ADGB: variants seen among roughly 807,000 people sequenced by gnomAD.
The protein encoded by ADGB is calpain-7-like protein.
A neutral mutation model predicts 210.5 loss-of-function variants in ADGB; 172 were observed. The ratio of observed to expected loss-of-function variants is 0.82; its 90% CI spans 0.72 to 0.93. The LOEUF (loss-of-function observed/expected upper bound fraction) is 0.93, where lower values mean the gene tolerates loss of function less well. ADGB is among the 40% of genes least tolerant of loss of function. ADGB has a pLI of 0.00. For missense variants in ADGB, 2,025 were observed against 1,964.8 expected, an observed-to-expected ratio of 1.03 and a Z score of -0.58; for synonymous variants, 658 against 662.7, an observed-to-expected ratio of 0.99 and a Z score of 0.11.
At chr6:146,647,983 G>C (rs555265714) in intron 3 of ADGB, among the ~76,000 whole-genome samples, 3 of 151,666 alleles carry the variant, frequency 2.0e-5, no homozygotes, top group Non-Finnish European at 2.9e-5. Flanking sequence ...ACATACAAAG[G>C]TTTTAAAAAT....
chr6:146,691,433 TATATATATAAAA>T (rs1776311236), intron 11 of ADGB, 143 bp downstream of exon 11: 1 of 28,502 alleles, frequency 3.5e-5, no homozygotes, highest in African/African-American at 2.5e-4. Context: ...TATATATATA[TATATATATAAAA>T]ATATATATAT....
chr6:146,733,770 A>G (rs1777038564), intron 21 of ADGB, 123 bp from the exon 22 acceptor site: 15 of 1,061,164 alleles, frequency 1.4e-5, no homozygotes, highest in Non-Finnish European at 2.1e-5. Flanking sequence ...AATATTAAAT[A>G]TGATGCTAAC....
rs1778367263 is a variant in ADGB, at chr6:146,815,143, G to A, written c.4930G>A (p.Ala1644Thr). 1.3e-6 allele frequency: 2 copies of A among 1,545,824 alleles called. No individual in the cohort carries two copies. Among genetic ancestry groups the A allele is most frequent in the African/African-American group, 1.4e-5 (1 of 72,168 alleles). ...KLETLAAQEA[A>T]MKLETEKMTP... ...GGAAACTCTGGCTGCTCAGGAAGCA[G>A]CCATGAAGCTGGAGACAGAAAAGAT... Residue 1644 changes from alanine (A) to threonine (T), a missense_variant, in exon 36 of 36, where the codon GCC (alanine) becomes ACC (threonine). Physicochemically the swap from Ala to Thr is moderately conservative, Grantham distance 58 (BLOSUM62 0). Coordinates refer to ENST00000397944, the MANE Select transcript of ADGB (RefSeq NM_024694.4).
In ADGB at chr6:146,656,889, G is replaced by A. The variant is rs1327590437; in HGVS notation, c.521G>A (p.Trp174Ter). 6.4e-7 allele frequency: 1 copy of A among 1,551,514 alleles called. No homozygotes were observed. Among genetic ancestry groups the A allele is most frequent in the African/African-American group, 1.4e-5 (1 of 73,130 alleles). Reference protein sequence around the residue: ...GEPPLLPWKPWEHIYSLCKAV... With the variant: ...GEPPLLPWKP ...CCTCCTCTTCTCCCCTGGAAGCCCT[G>A]GGAACACATATACTCTCTGTGCAAG... Residue 174 changes from tryptophan (W) to a stop codon, truncating the protein, a stop_gained, in exon 5 of 36, where the codon TGG (tryptophan) becomes TAG (stop). Coordinates refer to ENST00000397944, the MANE Select transcript of ADGB (RefSeq NM_024694.4). LOFTEE classifies it high-confidence loss of function.
intron 1 of ADGB, among the ~76,000 whole-genome samples, chr6:146,624,578 TG>T (rs1322924052): frequency 1.4e-4 from 21 of 152,006 alleles, no homozygotes; most frequent in Admixed American, 1.4e-3. Flanking sequence ...AGAGAAAAAA[TG>T]TTTCTATGTT....
chr6:146,697,687 G>T lies in ADGB; in HGVS notation c.1578-3254G>T, dbSNP rs184424414. ...TTGAACATGACCAACGTACTTGCCAGTGGTTCTCAGAAGTAGGAGATAAAG... is the reference window on the plus strand; with the variant it reads ...TTGAACATGACCAACGTACTTGCCATTGGTTCTCAGAAGTAGGAGATAAAG... On this transcript the variant is annotated intron_variant, in intron 12 of 35. Coordinates refer to ENST00000397944, the MANE Select transcript of ADGB (RefSeq NM_024694.4). 2.8e-3 allele frequency among the ~76,000 whole-genome samples: 430 copies of T among 152,234 alleles called. 9 individuals are homozygous for T. Among genetic ancestry groups the T allele is most frequent in the Admixed American group, 0.028 (427 of 15,284 alleles).
intron 23 of ADGB, among the ~76,000 whole-genome samples, chr6:146,740,131 T>C (rs1357485157): frequency 6.6e-6 from 1 of 152,264 alleles, no homozygotes; most frequent in Non-Finnish European, 1.5e-5. Context: ...TGCTTGCTTC[T>C]AGTTTTTCTA....
intron 9 of ADGB, among the ~76,000 whole-genome samples, chr6:146,682,899 G>A (rs1307641611): frequency 6.6e-6 from 1 of 151,838 alleles, no homozygotes; most frequent in Non-Finnish European, 1.5e-5. Flanking sequence ...ATCCTTTGTA[G>A]TCTTGGTTGA....
intron 8 of ADGB, among the ~76,000 whole-genome samples, chr6:146,673,916 G>A (rs1392892397): frequency 6.6e-6 from 1 of 152,150 alleles, no homozygotes; most frequent in Non-Finnish European, 1.5e-5. Flanking sequence ...AGAGTGAGCA[G>A]ATGAAGGAGG....
At chr6:146,743,718 A>G (rs1007703782) in intron 25 of ADGB, among the ~76,000 whole-genome samples, 3 of 152,216 alleles carry the variant, frequency 2.0e-5, no homozygotes, top group Admixed American at 2.0e-4. Flanking sequence ...GATCGAGACC[A>G]GCCTGGCCAA....
chr6:146,707,297 A>G (rs1776587191), intron 13 of ADGB, among the ~76,000 whole-genome samples: 2 of 152,290 alleles, frequency 1.3e-5, no homozygotes, highest in Middle Eastern at 3.4e-3. Flanking sequence ...CTTGAGAAGA[A>G]TGTGTATTCC....
At chr6:146,693,096 A>C (rs1776354331) in intron 12 of ADGB, among the ~76,000 whole-genome samples, 181 bp downstream of exon 12, 1 of 152,200 alleles carries the variant, frequency 6.6e-6, no homozygotes, top group Non-Finnish European at 1.5e-5. Flanking sequence ...TAGTTACATT[A>C]ATCCACTTAA....
chr6:146,635,631 C>T (rs1281270533), intron 2 of ADGB, 94 bp downstream of exon 2: 6 of 1,261,722 alleles, frequency 4.8e-6, no homozygotes, highest in Non-Finnish European at 1.0e-6. Flanking sequence ...CATTCTTCTC[C>T]ATAATGTGCA....
intron 33 of ADGB, among the ~76,000 whole-genome samples, chr6:146,791,326 A>T (rs1777952246): frequency 6.6e-6 from 1 of 151,964 alleles, no homozygotes; most frequent in Non-Finnish European, 1.5e-5. Flanking sequence ...TTCTGGACTT[A>T]TGTTTAAGTT....
In ADGB at chr6:146,797,596, A is replaced by G. The variant is rs117881963; in HGVS notation, c.4538-3587A>G. Reference sequence around the variant, plus strand: ...GAATACTACTCAGCCATAAAAGGAAATGAAATAATGGCATTCACAGCAACC... The same window carrying G: ...GAATACTACTCAGCCATAAAAGGAAGTGAAATAATGGCATTCACAGCAACC... On this transcript the variant is annotated intron_variant, in intron 33 of 35. Coordinates refer to ENST00000397944, the MANE Select transcript of ADGB (RefSeq NM_024694.4). Among the ~76,000 whole-genome samples the G allele has an allele frequency of 2.6e-3, 390 of 152,298 alleles. 10 individuals are homozygous for G. In the East Asian group the frequency reaches 0.049, roughly 19 times the overall value.
rs1441207783 is a variant in ADGB, at chr6:146,647,490, G to C, written c.330+2625G>C. On this transcript the variant is annotated intron_variant, in intron 3 of 35. Transcript: ENST00000397944. ...TGTGTTCAAGGTTATGAGTATAGTA[G>C]GGGAATACATAATTTTTAGTAACTA... is the stretch of plus-strand genomic sequence containing the variant. Among the ~76,000 whole-genome samples, 4 of 151,974 alleles carry C rather than the reference G, an allele frequency of 2.6e-5. No individual in the cohort carries two copies. The East Asian group carries it at 7.7e-4, about 29-fold the overall frequency.
intron 20 of ADGB, among the ~76,000 whole-genome samples, chr6:146,730,346 A>G (rs905209085): frequency 1.4e-5 from 2 of 139,926 alleles, no homozygotes; most frequent in Non-Finnish European, 3.1e-5. Context: ...CAATCTGCTA[A>G]GAGATTGCAA....
intron 1 of ADGB, among the ~76,000 whole-genome samples, chr6:146,616,135 G>T (rs1583560329): frequency 6.6e-6 from 1 of 152,028 alleles, no homozygotes; most frequent in East Asian, 1.9e-4. Flanking sequence ...GTGTCTTCTT[G>T]TGGTTTTGAT....
chr6:146,754,380 C>A (rs927649437), intron 27 of ADGB, among the ~76,000 whole-genome samples: 1 of 151,398 alleles, frequency 6.6e-6, no homozygotes, highest in Non-Finnish European at 1.5e-5. Flanking sequence ...TCTACTTTGT[C>A]AATATTTATA....
Sources: allele counts gnomAD v4.1 joint callset (sites outside exome capture counted in the v4.1 genomes callset), GRCh38; gene constraint gnomAD v4.1.1; transcripts MANE v1.5; gene names NCBI Gene and HGNC (gene_info 2026-07-23, HGNC 2026-07-21).